WDR7: variants seen among roughly 807,000 people sequenced by gnomAD.
The protein encoded by WDR7 is WD repeat domain 7, also known as WD repeat-containing protein 7.
A neutral mutation model predicts 169.4 loss-of-function variants in WDR7; 46 were observed. The observed-to-expected ratio is 0.27, with a 90% confidence interval of 0.21 to 0.35. WDR7 has a LOEUF of 0.35. Among genes scored for constraint, WDR7 ranks in the 10% least tolerant of loss-of-function variants. The pLI is 1.00. For missense variants in WDR7, 1,534 were observed against 1,859.3 expected, an observed-to-expected ratio of 0.83 and a Z score of 3.22; for synonymous variants, 612 against 666.8, an observed-to-expected ratio of 0.92 and a Z score of 1.27.
chr18:56,865,460 G>A (rs1175531464), intron 20 of WDR7, among the ~76,000 whole-genome samples: 2 of 152,082 alleles, frequency 1.3e-5, no homozygotes, highest in Non-Finnish European at 1.5e-5. Context: ...ATATTACACA[G>A]TAAACTTCAG....
At position 56,748,690 on chromosome 18, in the gene WDR7, T is replaced by C. The variant is rs139746720; in HGVS notation, c.1990-7893T>C. Among the ~76,000 whole-genome samples, 424 of 151,852 alleles carry C rather than the reference T, an allele frequency of 2.8e-3. 3 individuals carry two copies. The East Asian group carries it at 0.032, about 12-fold the overall frequency. On this transcript the variant is annotated intron_variant, in intron 14 of 27. Transcript: ENST00000254442. ...ATGAAAAGTCAAATAACATGAAGTC[T>C]GTGACTGTATTGTCATTCACACCTA...
At chr18:56,860,553 A>C (rs1283113377) in intron 20 of WDR7, among the ~76,000 whole-genome samples, 1 of 152,156 alleles carries the variant, frequency 6.6e-6, no homozygotes, top group Non-Finnish European at 1.5e-5. Flanking sequence ...ACCAGATCTC[A>C]TGCAATTGAA....
intron 21 of WDR7, among the ~76,000 whole-genome samples, chr18:56,895,309 A>T (rs1022228573): frequency 6.6e-6 from 1 of 152,068 alleles, no homozygotes; most frequent in East Asian, 1.9e-4. Context: ...AGACCCTTCT[A>T]ACTAGTAAGA....
intron 26 of WDR7, among the ~76,000 whole-genome samples, chr18:56,971,464 T>C (rs1450092605): frequency 6.6e-6 from 1 of 152,244 alleles, no homozygotes; most frequent in East Asian, 1.9e-4. Flanking sequence ...GATCAAAAAG[T>C]AAATATGAAC....
chr18:56,809,327 A>G (rs60484503), intron 19 of WDR7, among the ~76,000 whole-genome samples: 18,555 of 151,912 alleles, frequency 0.12, 1,691 homozygotes, highest in African/African-American at 0.25. Flanking sequence ...ATTTTCTAGT[A>G]TATTTAAATA....
chr18:56,845,090 G>A (rs2045547642), intron 20 of WDR7, among the ~76,000 whole-genome samples: 1 of 152,056 alleles, frequency 6.6e-6, no homozygotes, highest in African/African-American at 2.4e-5. Flanking sequence ...TATCTCCTAT[G>A]GATAACCAGG....
At chr18:56,945,117 A>G (rs1196294831) in intron 25 of WDR7, among the ~76,000 whole-genome samples, 1 of 152,234 alleles carries the variant, frequency 6.6e-6, no homozygotes, top group Non-Finnish European at 1.5e-5. Flanking sequence ...GAGTTTAAGC[A>G]GCTTTGAAAG....
rs1030607542 is a variant in WDR7, at chr18:57,027,588, G to A, written c.*381G>A. The A allele has an allele frequency of 8.1e-6, 2 of 246,740 alleles. No individual in the cohort carries two copies. The highest frequency in any genetic ancestry group is 1.6e-5 in the Non-Finnish European group (2 of 127,856). The allele number at this position is 246,740 out of a possible 1,614,324, so 15.3% of individuals were successfully genotyped here. On this transcript the variant is annotated 3_prime_UTR_variant, in exon 28 of 28. Transcript: ENST00000254442. ...ATCAGCATTTTTAGCCATCTCAACC[G>A]CACCTCTGAAGTGCTGCTTGAATCT...
chr18:56,690,783 T>A (rs2025548975), intron 7 of WDR7, among the ~76,000 whole-genome samples: 1 of 151,286 alleles, frequency 6.6e-6, no homozygotes, highest in African/African-American at 2.4e-5. Flanking sequence ...CCACTGCACT[T>A]CAGCCTGGGT....
intron 21 of WDR7, among the ~76,000 whole-genome samples, chr18:56,888,110 A>G (rs2046220524): frequency 6.6e-6 from 1 of 152,196 alleles, no homozygotes; most frequent in South Asian, 2.1e-4. Context: ...TTCCTCCTGA[A>G]GCATTCTGTG....
intron 25 of WDR7, among the ~76,000 whole-genome samples, chr18:56,953,285 A>T (rs377153480): frequency 6.6e-6 from 1 of 152,240 alleles, no homozygotes; most frequent in Admixed American, 6.5e-5. Context: ...AACTTCAGTC[A>T]TATTTAATGT....
At chr18:56,682,954 T>C in intron 5 of WDR7, 101 bp downstream of exon 5, 1 of 1,261,636 alleles carries the variant, frequency 7.9e-7, no homozygotes. Flanking sequence ...TTGGGATATA[T>C]TCTTCTATGT....
At chr18:56,856,033 G>A (rs557071645) in intron 20 of WDR7, among the ~76,000 whole-genome samples, 11 of 152,236 alleles carry the variant, frequency 7.2e-5, no homozygotes, top group South Asian at 4.1e-4. Flanking sequence ...GGGAAACACC[G>A]GGTGAGGGAT....
chr18:57,035,346 T>C, the WDR7 span: 1 of 152,106 alleles, frequency 6.6e-6, no homozygotes, highest in African/African-American at 2.4e-5. Context: ...AGTTTATCGA[T>C]AGGAGATTGA....
chr18:56,979,330 A>G (rs1390364755), intron 26 of WDR7, among the ~76,000 whole-genome samples: 1 of 152,094 alleles, frequency 6.6e-6, no homozygotes, highest in Non-Finnish European at 1.5e-5. Flanking sequence ...TCTGTGTTAT[A>G]TTTGAGAATT....
chr18:56,906,679 G>T (rs2046481858), intron 21 of WDR7, among the ~76,000 whole-genome samples: 1 of 151,952 alleles, frequency 6.6e-6, no homozygotes, highest in Admixed American at 6.6e-5. Context: ...GAGTAGCTGG[G>T]ATTACAGACA....
At chr18:56,861,870 A>G (rs2045808578) in intron 20 of WDR7, among the ~76,000 whole-genome samples, 1 of 152,110 alleles carries the variant, frequency 6.6e-6, no homozygotes, top group Non-Finnish European at 1.5e-5. Context: ...CTCGAGTGTA[A>G]TGTAACTATT....
chr18:56,802,122 T>TG (rs777223950), intron 19 of WDR7, among the ~76,000 whole-genome samples: 64 of 152,344 alleles, frequency 4.2e-4, no homozygotes, highest in Middle Eastern at 6.8e-3. Context: ...CATCTCATAT[T>TG]GTTAGTATTT....
intron 26 of WDR7, chr18:57,010,318 G>T (rs2048119146): frequency 2.0e-6 from 2 of 978,816 alleles, no homozygotes; most frequent in Non-Finnish European, 2.4e-6. Context: ...GTAAATATTT[G>T]ATAATTTATT....
Sources: allele counts gnomAD v4.1 joint callset (sites outside exome capture counted in the v4.1 genomes callset), GRCh38; gene constraint gnomAD v4.1.1; transcripts MANE v1.5; gene names NCBI Gene and HGNC (gene_info 2026-07-23, HGNC 2026-07-21).